Variants in HTR7 observed in about 807,000 individuals in gnomAD.
HTR7 encodes the protein 5-HT-7.
HTR7 carries 16 observed loss-of-function variants against 34.0 expected under a neutral mutation model. The ratio of observed to expected loss-of-function variants is 0.47; its 90% CI spans 0.32 to 0.71. The LOEUF (loss-of-function observed/expected upper bound fraction) is 0.71. Among genes scored for constraint, HTR7 ranks in the 30% least tolerant of loss-of-function variants. The pLI is 0.04. For missense variants in HTR7, 504 were observed against 625.5 expected, an observed-to-expected ratio of 0.81 and a Z score of 2.07; for synonymous variants, 265 against 260.2, an observed-to-expected ratio of 1.02 and a Z score of -0.18.
At chr10:90,834,996 T>C (rs1033662001) in intron 1 of HTR7, among the ~76,000 whole-genome samples, 4 of 152,132 alleles carry the variant, frequency 2.6e-5, no homozygotes, top group Admixed American at 6.5e-5. Flanking sequence ...CAGGAAAAAT[T>C]TGCTATTCCC....
In HTR7 at chr10:90,857,978, CGCA is replaced by C. The variant is rs1437001845; in HGVS notation, c.-310_-308del. Among the ~76,000 whole-genome samples, 1 of 150,876 alleles carries C rather than the reference CGCA, an allele frequency of 6.6e-6. No individual in the cohort carries two copies. Among genetic ancestry groups the C allele is most frequent in the Non-Finnish European group, 1.5e-5 (1 of 67,620 alleles). The stretch of plus-strand genomic sequence containing the variant: ...GGGCTCCGCTGGCAGCTCCACAGTT[CGCA>C]GCAGCAGCTCGGCTGCGCCGAGAGC... On this transcript the variant is annotated 5_prime_UTR_variant, in exon 1 of 4. Coordinates refer to ENST00000336152, the MANE Select transcript of HTR7 (RefSeq NM_019859.4). The surrounding 1 kb of genome is among the most constrained non-coding windows in gnomAD (Gnocchi z 6.5).
At chr10:90,770,326 T>G (rs1845087589) in intron 1 of HTR7, among the ~76,000 whole-genome samples, 1 of 152,076 alleles carries the variant, frequency 6.6e-6, no homozygotes, top group Non-Finnish European at 1.5e-5. Context: ...AGCAGCACAG[T>G]TGGGCACGGA....
intron 2 of HTR7, 100 bp downstream of exon 2, chr10:90,748,739 T>A: frequency 7.7e-7 from 1 of 1,301,006 alleles, no homozygotes. Context: ...TAGTAAAAAC[T>A]AAGCTAGCTA....
chr10:90,842,750 A>C (rs961507049), intron 1 of HTR7, among the ~76,000 whole-genome samples: 1 of 150,994 alleles, frequency 6.6e-6, no homozygotes, highest in African/African-American at 2.4e-5. Flanking sequence ...ATTTTCATTT[A>C]ATTTTGCCTA....
At chr10:90,831,457 T>C (rs957659475) in intron 1 of HTR7, among the ~76,000 whole-genome samples, 4 of 152,122 alleles carry the variant, frequency 2.6e-5, no homozygotes, top group Non-Finnish European at 4.4e-5. Context: ...GCTGCAAATC[T>C]TCGCTGTGAG....
chr10:90,754,971 T>C (rs1456337225), intron 1 of HTR7, among the ~76,000 whole-genome samples: 4 of 152,184 alleles, frequency 2.6e-5, no homozygotes, highest in Non-Finnish European at 5.9e-5. Context: ...CTGCTGAAAC[T>C]GCCAGATTAT....
intron 1 of HTR7, among the ~76,000 whole-genome samples, chr10:90,804,226 G>C (rs1845669489): frequency 6.6e-6 from 1 of 152,044 alleles, no homozygotes; most frequent in African/African-American, 2.4e-5. Flanking sequence ...CTTCAGCTCA[G>C]AGCCACCTCC....
chr10:90,831,596 A>G (rs1487549214), intron 1 of HTR7, among the ~76,000 whole-genome samples: 2 of 152,170 alleles, frequency 1.3e-5, no homozygotes, highest in Non-Finnish European at 2.9e-5. Context: ...TGGCTCGCGC[A>G]GCCTGCTTTT....
chr10:90,773,851 G>C (rs564754021), intron 1 of HTR7, among the ~76,000 whole-genome samples: 11 of 152,084 alleles, frequency 7.2e-5, no homozygotes, highest in Non-Finnish European at 1.6e-4. Context: ...CCATTTGTCA[G>C]GTGATAGACC....
chr10:90,755,856 G>A lies in HTR7; in HGVS notation c.540-6262C>T, dbSNP rs533525448. ...TAAATAATACACACTCTATGATCTA[G>A]CAATTCCAAGTATATAATGAACATT... On this transcript the variant is annotated intron_variant, in intron 1 of 3. Coordinates refer to ENST00000336152, the MANE Select transcript of HTR7 (RefSeq NM_019859.4). Among the ~76,000 whole-genome samples, 331 of 152,286 alleles carry A rather than the reference G, an allele frequency of 2.2e-3. 1 individual carries two copies. Among genetic ancestry groups the A allele is most frequent in the Middle Eastern group, 0.014 (4 of 294 alleles).
chr10:90,768,604 T>G (rs964854425), intron 1 of HTR7, among the ~76,000 whole-genome samples: 1 of 152,224 alleles, frequency 6.6e-6, no homozygotes, highest in African/African-American at 2.4e-5. Flanking sequence ...TTTTTTCACT[T>G]AATATATCCT....
chr10:90,780,258 G>A (rs1027158936), intron 1 of HTR7, among the ~76,000 whole-genome samples: 25 of 151,984 alleles, frequency 1.6e-4, no homozygotes, highest in African/African-American at 4.6e-4. Context: ...AAATTCGGCC[G>A]GGCGCGGTGG....
At chr10:90,807,319 C>T (rs572557380) in intron 1 of HTR7, among the ~76,000 whole-genome samples, 7 of 152,290 alleles carry the variant, frequency 4.6e-5, no homozygotes, top group East Asian at 3.9e-4. Context: ...GCCAAGCCAT[C>T]GCATCCCCTG....
At chr10:90,796,023 T>TA (rs1449709975) in intron 1 of HTR7, among the ~76,000 whole-genome samples, 2 of 152,236 alleles carry the variant, frequency 1.3e-5, no homozygotes, top group African/African-American at 4.8e-5. Flanking sequence ...ATAGATTGTA[T>TA]AAATGTTTCT....
At chr10:90,754,572 G>A (rs182256001) in intron 1 of HTR7, among the ~76,000 whole-genome samples, 3 of 152,212 alleles carry the variant, frequency 2.0e-5, no homozygotes, top group Non-Finnish European at 2.9e-5. Flanking sequence ...TCTCAGAGAC[G>A]AAAGCACTGA....
At chr10:90,750,514 G>A (rs186673893) in intron 1 of HTR7, among the ~76,000 whole-genome samples, 8 of 152,172 alleles carry the variant, frequency 5.3e-5, no homozygotes, top group East Asian at 3.9e-4. Context: ...TTTAATAGTC[G>A]TAGAGTCTTT....
At chr10:90,815,754 T>C (rs1248536783) in intron 1 of HTR7, among the ~76,000 whole-genome samples, 2 of 152,124 alleles carry the variant, frequency 1.3e-5, no homozygotes, top group Non-Finnish European at 2.9e-5. Context: ...ATGGACATGC[T>C]AAATGAGAAC....
chr10:90,856,217 T>C (rs1055196833), intron 1 of HTR7, among the ~76,000 whole-genome samples: 9 of 152,240 alleles, frequency 5.9e-5, no homozygotes, highest in Non-Finnish European at 1.2e-4. Flanking sequence ...TGAGTGTGAA[T>C]ATTAAGGTCT....
intron 1 of HTR7, among the ~76,000 whole-genome samples, chr10:90,792,773 T>C (rs937878561): frequency 6.6e-6 from 1 of 152,096 alleles, no homozygotes; most frequent in Non-Finnish European, 1.5e-5. Context: ...TAAAATGGAT[T>C]TATCAGAACT....
Sources: allele counts gnomAD v4.1 joint callset (sites outside exome capture counted in the v4.1 genomes callset), GRCh38; gene constraint gnomAD v4.1.1; non-coding constraint Gnocchi (gnomAD v3.1); transcripts MANE v1.5; gene names NCBI Gene and HGNC (gene_info 2026-07-23, HGNC 2026-07-21).